The following BRCA1 variants were observed in gnomAD, a reference collection of about 807,000 sequenced individuals.
The protein encoded by BRCA1 is BRCA1 DNA repair associated.
Under a neutral mutation model 173.7 loss-of-function variants are expected in BRCA1, and 140 were observed. The ratio of observed to expected loss-of-function variants is 0.81; its 90% CI spans 0.70 to 0.93. BRCA1 has a LOEUF of 0.93. Among genes scored for constraint, BRCA1 ranks in the 40% least tolerant of loss-of-function variants. The pLI is 0.00. For synonymous variants in BRCA1, 662 were observed against 756.0 expected (o/e 0.88, Z 2.04); for missense variants, 1,983 against 2,172.5 (o/e 0.91, Z 1.73).
chr17:43,077,721 ATTTATTTATT>A (rs2052801941), intron 12 of BRCA1, among the ~76,000 whole-genome samples: 1 of 149,030 alleles, frequency 6.7e-6, no homozygotes, highest in Non-Finnish European at 1.5e-5. Flanking sequence ...AGAAGTACTT[ATTTATTTATT>A]TTTATTTATT....
In BRCA1 at chr17:43,049,595, G is replaced by A. The variant is rs913600265; in HGVS notation, c.5333-401C>T. Among the ~76,000 whole-genome samples, 1 of 151,978 alleles carries A rather than the reference G, an allele frequency of 6.6e-6. No homozygotes were observed. Among genetic ancestry groups the A allele is most frequent in the Non-Finnish European group, 1.5e-5 (1 of 68,016 alleles). On this transcript the variant is annotated intron_variant, in intron 20 of 22. Transcript: ENST00000357654. ...TTCTGTGTTGGTAACTGATAATCAC[G>A]GCCACTGAAAATACCATACTTGGTG... is the stretch of plus-strand genomic sequence containing the variant.
intron 7 of BRCA1, among the ~76,000 whole-genome samples, chr17:43,097,510 G>C (rs1247322513): frequency 2.6e-5 from 4 of 152,080 alleles, no homozygotes; most frequent in Non-Finnish European, 5.9e-5. Context: ...CCCAGCACTT[G>C]AGGAGGCCGA....
In BRCA1 at chr17:43,044,886, C is replaced by T. The variant is rs894847021; in HGVS notation, c.*792G>A. ...TGGTATGATCTTGGCTCACTGCAAC[C>T]TCCACCTCCCGGGCTGAAGTGATTC... is the stretch of plus-strand genomic sequence containing the variant. On this transcript the variant is annotated 3_prime_UTR_variant, in exon 23 of 23. Transcript: ENST00000357654. 10 of 478,442 alleles carry T rather than the reference C, an allele frequency of 2.1e-5. No individual in the cohort carries two copies. The highest frequency in any genetic ancestry group is 1.7e-4 in the Admixed American group (7 of 41,458). 29.6% of individuals were successfully genotyped at this position (478,442 alleles called of 1,614,324 possible).
intron 1 of BRCA1, chr17:43,166,096 CTT>C (rs1204864422): frequency 5.9e-5 from 9 of 151,358 alleles, no homozygotes; most frequent in African/African-American, 9.7e-5. Flanking sequence ...TTGTCTCTCT[CTT>C]TGACTTTCCT....
At chr17:43,135,600 C>T (rs1362330114) in intron 1 of BRCA1, among the ~76,000 whole-genome samples, 2 of 152,196 alleles carry the variant, frequency 1.3e-5, no homozygotes, top group Admixed American at 6.5e-5. Flanking sequence ...TCGCAGGTCG[C>T]GGTCTTCGGA....
Position 43,093,329 on chromosome 17 carries a change from T to G in BRCA1, c.2202A>C (p.Lys734Asn), listed in dbSNP as rs1475423886. Residue 734 changes from lysine to asparagine, a missense_variant, in exon 10 of 23, where the codon AAA (lysine) becomes AAC (asparagine). Transcript: ENST00000357654. ...TATTAGACACTTTAACTGTTTCTAG[T>G]TTCTCTTCTTTTTCTTCTCTTGGAA... is the stretch of plus-strand genomic sequence containing the variant. ...PSLPREEKEE[K>N]LETVKVSNNA... The G allele has an allele frequency of 6.2e-7, 1 of 1,613,512 alleles. No individual in the cohort carries two copies. Among genetic ancestry groups the G allele is most frequent in the Non-Finnish European group, 8.5e-7 (1 of 1,179,884 alleles).
Position 43,131,619 on chromosome 17 carries a change from G to A in BRCA1, c.-19-7504C>T, listed in dbSNP as rs1032942544. Among the ~76,000 whole-genome samples the A allele has an allele frequency of 3.3e-5, 5 of 151,776 alleles. No homozygotes were observed. The East Asian group carries it at 9.7e-4, about 30-fold the overall frequency. On this transcript the variant is annotated intron_variant, in intron 1 of 7. Coordinates refer to the BRCA1 transcript ENST00000634433. ...GCCTGTAGTCCTAGCTACTTGGGAG[G>A]CTGAGGCAGGAGAATGGCGTGAACC... is the stretch of plus-strand genomic sequence containing the variant.
intron 5 of BRCA1, 45 bp downstream of exon 5, chr17:43,104,822 TC>T: frequency 6.5e-7 from 1 of 1,534,254 alleles, no homozygotes; most frequent in Non-Finnish European, 9.0e-7. Flanking sequence ...TCCTGAGTTT[TC>T]ATGGACAGCA....
rs80356978 is a variant in BRCA1, at chr17:43,092,809, C to A, written c.2722G>T (p.Glu908Ter). ...KVTFECEQKE[E>*]NQGKNESNIK... Reference sequence around the variant, plus strand: ...TTAGACTCATTCTTTCCTTGATTTTCTTCCTTTTGTTCACATTCAAAAGTG... The same window carrying A: ...TTAGACTCATTCTTTCCTTGATTTTATTCCTTTTGTTCACATTCAAAAGTG... The change falls in exon 10 of 23, where the codon GAA (glutamate) becomes TAA (stop). Residue 908 changes from glutamate (E) to a stop codon, truncating the protein, a stop_gained. Coordinates refer to ENST00000357654, the MANE Select transcript of BRCA1 (RefSeq NM_007294.4). LOFTEE classifies it high-confidence loss of function. 5 of 1,613,880 alleles carry A rather than the reference C, an allele frequency of 3.1e-6. No homozygotes were observed. The highest frequency in any genetic ancestry group is 4.2e-6 in the Non-Finnish European group (5 of 1,179,898).
At chr17:43,072,696 C>T (rs2052507194) in intron 14 of BRCA1, among the ~76,000 whole-genome samples, 1 of 150,330 alleles carries the variant, frequency 6.7e-6, no homozygotes, top group Non-Finnish European at 1.5e-5. Flanking sequence ...TCCCGAGTAG[C>T]TGGGACTACA....
chr17:43,093,998 G>GC lies in BRCA1; in HGVS notation c.1532dup (p.Leu512ProfsTer4). 1 of 1,613,910 alleles carries GC rather than the reference G, an allele frequency of 6.2e-7. No homozygotes were observed. The highest frequency in any genetic ancestry group is 2.2e-5 in the East Asian group (1 of 44,874). On this transcript the variant is annotated frameshift_variant, in exon 10 of 23. Transcript: ENST00000357654. LOFTEE classifies it high-confidence loss of function. ...TCTTGATAAAATCCTCAGGATGAAG[G>GC]CCTGATGTAGGTCTCCTTTTACGCT...
rs192655097 is a variant in BRCA1, at chr17:43,093,075, G to A, written c.2456C>T (p.Ser819Phe). The change falls in exon 10 of 23, where the codon TCC becomes TTC. Residue 819 changes from serine to phenylalanine, a missense_variant. Ser to Phe is a radical substitution (Grantham distance 155). Coordinates refer to ENST00000357654, the MANE Select transcript of BRCA1 (RefSeq NM_007294.4). ...TTCTGTGTCATTTCTATTATCTTTGGAACAACCATGAATTAGTCCCTTGGG... is the reference window on the plus strand; with the variant it reads ...TTCTGTGTCATTTCTATTATCTTTGAAACAACCATGAATTAGTCCCTTGGG... ...ENPKGLIHGC[S>F]KDNRNDTEGF... 1 of 1,613,494 alleles carries A rather than the reference G, an allele frequency of 6.2e-7. No individual in the cohort carries two copies.
intron 6 of BRCA1, among the ~76,000 whole-genome samples, chr17:43,100,630 TGTTATATATATATAACATATATATAACA>T (rs2054381860): frequency 1.7e-5 from 1 of 57,812 alleles, no homozygotes; most frequent in African/African-American, 8.8e-5. Flanking sequence ...CATATATATA[TGTTATATATATATAACATATATATAACA>T]TATATATATA....
In BRCA1 at chr17:43,045,109, G is replaced by A. The variant is rs1431571262; in HGVS notation, c.*569C>T. The A allele has an allele frequency of 1.9e-6, 1 of 532,760 alleles. No homozygotes were observed. The highest frequency in any genetic ancestry group is 1.5e-5 in the South Asian group (1 of 65,154). The allele number at this position is 532,760 out of a possible 1,614,324, so 33.0% of individuals were successfully genotyped here. A position where few individuals can be genotyped will look rare whatever the true frequency, so the allele number is the denominator to read the frequency against. ...GTGAGCCACCATGCCCAGGTTTCAA[G>A]TTTCCTTTTCATTTCTAATACCTGC... On this transcript the variant is annotated 3_prime_UTR_variant, in exon 23 of 23. Transcript: ENST00000357654.
At chr17:43,133,649 T>G (rs1413347900) in intron 1 of BRCA1, among the ~76,000 whole-genome samples, 1 of 151,558 alleles carries the variant, frequency 6.6e-6, no homozygotes, top group Non-Finnish European at 1.5e-5. Flanking sequence ...TTTTTTTTTT[T>G]TTTGAGACAG....
chr17:43,112,187 T>G (rs1168892310), intron 3 of BRCA1, among the ~76,000 whole-genome samples: 2 of 152,032 alleles, frequency 1.3e-5, no homozygotes, highest in Non-Finnish European at 2.9e-5. Context: ...CCTCCTGGGT[T>G]CAAGAGGTTC....
rs80357262 is a variant in BRCA1, at chr17:43,091,564, G to A, written c.3967C>T (p.Gln1323Ter). 1 of 1,614,114 alleles carries A rather than the reference G, an allele frequency of 6.2e-7. No individual in the cohort carries two copies. Among genetic ancestry groups the A allele is most frequent in the Non-Finnish European group, 8.5e-7 (1 of 1,180,014 alleles). The change falls in exon 10 of 23, where the codon CAA (glutamine) becomes TAA (stop). Residue 1323 changes from glutamine (Q) to a stop codon, truncating the protein, a stop_gained. Transcript: ENST00000357654. LOFTEE classifies it high-confidence loss of function. ...TGGCTTTCAGACTGATGCCTCATTT[G>A]TTTGGAAGAACCAATCAAGAAAGGA... ...QDPFLIGSSK[Q>*]MRHQSESQGV...
At chr17:43,157,179 G>A (rs116123646) in intron 1 of BRCA1, among the ~76,000 whole-genome samples, 1 of 152,194 alleles carries the variant, frequency 6.6e-6, no homozygotes, top group African/African-American at 2.4e-5. Flanking sequence ...TGCCAATAGT[G>A]ACTTAGAGTC....
intron 2 of BRCA1, among the ~76,000 whole-genome samples, chr17:43,123,043 C>A (rs1206048714): frequency 6.7e-6 from 1 of 149,174 alleles, no homozygotes; most frequent in Non-Finnish European, 1.5e-5. Flanking sequence ...GGCAACAGAG[C>A]AAGACTCCAT....
Sources: allele counts gnomAD v4.1 joint callset (sites outside exome capture counted in the v4.1 genomes callset), GRCh38; gene constraint gnomAD v4.1.1; transcripts MANE v1.5; gene names NCBI Gene and HGNC (gene_info 2026-07-23, HGNC 2026-07-21).